Variants in IL7 observed in about 807,000 individuals in gnomAD.
IL7 encodes interleukin 7.
IL7 carries 3 observed loss-of-function variants against 21.6 expected under a neutral mutation model. The observed-to-expected ratio is 0.14, with a 90% confidence interval of 0.06 to 0.36. The LOEUF is 0.36. IL7 is among the 10% of genes least tolerant of loss of function. IL7 has a pLI of 1.00. For missense variants in IL7, 175 were observed against 200.2 expected (o/e 0.87, Z 0.76); for synonymous variants, 62 against 68.1 (o/e 0.91, Z 0.44).
downstream of IL7, among the ~76,000 whole-genome samples, chr8:78,714,290 T>G (rs1330022839): frequency 5.9e-5 from 9 of 152,156 alleles, no homozygotes. Flanking sequence ...GCTACCTATT[T>G]CATAGGATTA....
chr8:78,685,317 C>T (rs768567590), intron 4 of IL7, among the ~76,000 whole-genome samples: 14 of 152,018 alleles, frequency 9.2e-5, no homozygotes, highest in Non-Finnish European at 1.8e-4. Flanking sequence ...ATAAATTCCA[C>T]ATGAATAAAA....
Position 78,688,123 on chromosome 8 carries a change from T to C in IL7, n.215-2176A>G, listed in dbSNP as rs570995899. ...TTCTAGAGTATTAATAATTAACTTA[T>C]ATGAATGAATGTTTCTGGTATGCTT... On this transcript the variant is annotated intron_variant and non_coding_transcript_variant, in intron 3 of 4. Transcript: ENST00000523959. 1.3e-3 allele frequency among the ~76,000 whole-genome samples: 201 copies of C among 151,808 alleles called. 1 individual carries two copies. The highest frequency in any genetic ancestry group is 4.5e-3 in the African/African-American group (186 of 41,474).
intron 5 of IL7, 28 bp from the exon 6 acceptor site, chr8:78,733,860 A>T (rs1220138142): frequency 1.4e-6 from 2 of 1,405,768 alleles, no homozygotes; most frequent in Non-Finnish European, 1.9e-6. Flanking sequence ...AAAAGTTTAA[A>T]CTTCACATTT....
At chr8:78,800,055 T>A (rs1229911074) in intron 1 of IL7, among the ~76,000 whole-genome samples, 3 of 152,166 alleles carry the variant, frequency 2.0e-5, no homozygotes, top group Non-Finnish European at 1.5e-5. Context: ...TAGGTAATTT[T>A]TCAATCCTTA....
chr8:78,706,236 G>C (rs1410496174), intron 3 of IL7, among the ~76,000 whole-genome samples: 1 of 152,156 alleles, frequency 6.6e-6, no homozygotes, highest in Non-Finnish European at 1.5e-5. Flanking sequence ...ATCCTGTGAG[G>C]TGTTATGAAA....
rs986025548 is a variant in IL7 at position 78,762,282 on chromosome 8, CA to C, written c.148-22201del. On this transcript the variant is annotated intron_variant, in intron 2 of 5. Coordinates refer to ENST00000263851, the MANE Select transcript of IL7 (RefSeq NM_000880.4). ...AATCGATAATGTTTATTTAGCTGAT[CA>C]GGTGTTTTATCTTCTAAGTCTGCTC... 26 of 1,584,430 alleles carry C rather than the reference CA, an allele frequency of 1.6e-5. No homozygotes were observed. The African/African-American group carries it at 3.1e-4, about 19-fold the overall frequency.
chr8:78,727,569 A>G (rs752643636), intron 3 of IL7, among the ~76,000 whole-genome samples: 8 of 152,092 alleles, frequency 5.3e-5, no homozygotes, highest in Non-Finnish European at 1.0e-4. Flanking sequence ...GTAGAAATGT[A>G]TCATAACTCT....
chr8:78,692,453 T>G (rs557200720), intron 3 of IL7, among the ~76,000 whole-genome samples: 1 of 152,352 alleles, frequency 6.6e-6, no homozygotes, highest in South Asian at 2.1e-4. Context: ...ATGGATCATG[T>G]TTTCTCTTTC....
At chr8:78,709,907 T>G (rs1563639032) in intron 3 of IL7, among the ~76,000 whole-genome samples, 1 of 152,078 alleles carries the variant, frequency 6.6e-6, no homozygotes, top group Non-Finnish European at 1.5e-5. Flanking sequence ...TTTCCCAATA[T>G]TATTTCAGAA....
intron 2 of IL7, chr8:78,761,138 C>G: frequency 3.1e-6 from 5 of 1,594,236 alleles, no homozygotes; most frequent in Non-Finnish European, 4.3e-6. Flanking sequence ...AGCATCATGC[C>G]TCCCTGTCCA....
chr8:78,723,301 A>G (rs1244982042), intron 3 of IL7, among the ~76,000 whole-genome samples: 1 of 151,862 alleles, frequency 6.6e-6, no homozygotes, highest in African/African-American at 2.4e-5. Flanking sequence ...CTATTGTGTG[A>G]CACTGTTTTA....
intron 2 of IL7, among the ~76,000 whole-genome samples, chr8:78,792,689 C>T (rs1813734964): frequency 6.6e-6 from 1 of 151,986 alleles, no homozygotes; most frequent in African/African-American, 2.4e-5. Context: ...TGCTTGACAT[C>T]ATTAGTCATC....
At chr8:78,773,595 G>C (rs1235256863) in intron 2 of IL7, among the ~76,000 whole-genome samples, 1 of 152,128 alleles carries the variant, frequency 6.6e-6, no homozygotes, top group Non-Finnish European at 1.5e-5. Flanking sequence ...AGAGTGGCAA[G>C]TAGGCTAGAA....
At chr8:78,775,564 G>T (rs1367191900) in intron 2 of IL7, among the ~76,000 whole-genome samples, 2 of 152,112 alleles carry the variant, frequency 1.3e-5, no homozygotes, top group Non-Finnish European at 2.9e-5. Flanking sequence ...GGAAAAATCA[G>T]GCTTTCAAGC....
chr8:78,783,712 C>G (rs1263778034), intron 2 of IL7, among the ~76,000 whole-genome samples: 1 of 152,132 alleles, frequency 6.6e-6, no homozygotes, highest in Non-Finnish European at 1.5e-5. Flanking sequence ...ATATCAATTT[C>G]AACTATATAA....
At chr8:78,751,949 C>T (rs1212325710) in intron 2 of IL7, among the ~76,000 whole-genome samples, 2 of 152,106 alleles carry the variant, frequency 1.3e-5, no homozygotes, top group African/African-American at 4.8e-5. Flanking sequence ...GCCTTTAATA[C>T]CCACAATTTT....
At chr8:78,760,140 T>C in intron 2 of IL7, 1 of 1,512,124 alleles carries the variant, frequency 6.6e-7, no homozygotes, top group Non-Finnish European at 8.8e-7. Context: ...TTTAAAAGTC[T>C]CTTAGGTATT....
rs187342944 is a variant in IL7, at chr8:78,690,040, C to T, written n.215-4093G>A. Among the ~76,000 whole-genome samples the T allele has an allele frequency of 2.8e-3, 422 of 152,200 alleles. 3 individuals carry two copies. The highest frequency in any genetic ancestry group is 9.3e-3 in the African/African-American group (385 of 41,544). ...ATGTGGATATTCTATTGTTTTAGCA[C>T]GATTTGTTTAAAGGACTTTTCTTTC... On this transcript the variant is annotated intron_variant and non_coding_transcript_variant, in intron 3 of 4. Transcript: ENST00000523959.
chr8:78,763,001 C>T (rs1308607156), intron 2 of IL7, among the ~76,000 whole-genome samples: 2 of 152,138 alleles, frequency 1.3e-5, no homozygotes, highest in Non-Finnish European at 2.9e-5. Context: ...ACAGTAGTGT[C>T]GTCTCTGTAT....
Sources: allele counts gnomAD v4.1 joint callset (sites outside exome capture counted in the v4.1 genomes callset), GRCh38; gene constraint gnomAD v4.1.1; transcripts MANE v1.5; gene names NCBI Gene and HGNC (gene_info 2026-07-23, HGNC 2026-07-21).